Variants in PCDHGA2 observed in about 807,000 individuals in gnomAD.
PCDHGA2 encodes the protein protocadherin gamma subfamily A, 2.
PCDHGA2 carries 40 observed loss-of-function variants against 59.2 expected under a neutral mutation model. The observed-to-expected ratio is 0.68, with a 90% CI of 0.52 to 0.88. PCDHGA2 has a LOEUF of 0.88. PCDHGA2 is among the 40% of genes least tolerant of loss of function. PCDHGA2 has a pLI of 0.00. For synonymous variants in PCDHGA2, 560 were observed against 526.0 expected (o/e 1.06, Z -0.89); for missense variants, 1,226 against 1,204.0 (o/e 1.02, Z -0.27).
chr5:141,409,279 T>C, intron 1 of PCDHGA2: 1 of 1,613,972 alleles, frequency 6.2e-7, no homozygotes, highest in Non-Finnish European at 8.5e-7. Context: ...TTTTGGAGAA[T>C]TCACCTCCAG....
intron 1 of PCDHGA2, among the ~76,000 whole-genome samples, chr5:141,401,929 G>C (rs2094209014): frequency 6.6e-6 from 1 of 152,122 alleles, no homozygotes; most frequent in Non-Finnish European, 1.5e-5. Context: ...GTGATGCTTA[G>C]AATAATGTTT....
At position 141,340,850 on chromosome 5, in the gene PCDHGA2, C is replaced by A. The variant is rs566854220; in HGVS notation, c.1879C>A (p.Arg627Ser). 6.8e-6 allele frequency: 11 copies of A among 1,613,586 alleles called. No individual in the cohort carries two copies. The Admixed American group carries it at 1.2e-4, about 17-fold the overall frequency. ...GGTGGGTCTGCACACGGGCGAGGTG[C>A]GCACGGCGCGAGCCCTGCTGGACAG... ...FSVGLHTGEV[R>S]TARALLDRDA... Residue 627 changes from arginine to serine, a missense_variant, in exon 1 of 4, where the codon CGC (arginine) becomes AGC (serine). Arg to Ser is a moderately radical substitution (Grantham distance 110). Coordinates refer to ENST00000394576, the MANE Select transcript of PCDHGA2 (RefSeq NM_018915.4).
intron 1 of PCDHGA2, among the ~76,000 whole-genome samples, chr5:141,455,603 C>T (rs1433078116): frequency 3.3e-5 from 5 of 152,190 alleles, no homozygotes; most frequent in Admixed American, 2.6e-4. Context: ...CGTAGGGCGC[C>T]ATGGATGTTC....
In PCDHGA2 at chr5:141,339,923, G is replaced by A; in HGVS notation, c.952G>A (p.Asp318Asn). The A allele has an allele frequency of 6.2e-7, 1 of 1,614,134 alleles. No homozygotes were observed. Among genetic ancestry groups the A allele is most frequent in the South Asian group, 1.1e-5 (1 of 91,078 alleles). ...TGAGGATGCTACATTCCATGAAATTGATATTGAAGCTCAGGATGGTCCGGG... is the reference window on the plus strand; with the variant it reads ...TGAGGATGCTACATTCCATGAAATTAATATTGAAGCTCAGGATGGTCCGGG... The part of the protein sequence containing the change: ...DYEDATFHEI[D>N]IEAQDGPGLL... The change falls in exon 1 of 4, where the codon GAT becomes AAT. Residue 318 changes from aspartate to asparagine, a missense_variant. By Grantham distance (23) the Asp-to-Asn change is conservative. Coordinates refer to ENST00000394576, the MANE Select transcript of PCDHGA2 (RefSeq NM_018915.4).
At chr5:141,478,904 T>G in intron 1 of PCDHGA2, 1 of 958,800 alleles carries the variant, frequency 1.0e-6, no homozygotes, top group Non-Finnish European at 1.5e-6. Context: ...AGGAATAAGC[T>G]GCTGGATACC....
chr5:141,359,857 AAAAAG>A (rs1258075197), intron 1 of PCDHGA2, among the ~76,000 whole-genome samples: 2 of 152,330 alleles, frequency 1.3e-5, no homozygotes, highest in African/African-American at 4.8e-5. Context: ...TTATAAATTA[AAAAAG>A]AAAAGAAAAG....
chr5:141,433,408 A>T lies in PCDHGA2; in HGVS notation c.2425-61399A>T, dbSNP rs1052180455. On this transcript the variant is annotated intron_variant, in intron 1 of 3. Coordinates refer to ENST00000394576, the MANE Select transcript of PCDHGA2 (RefSeq NM_018915.4). Reference sequence around the variant, plus strand: ...CTATCTATCTATCTATCTATCTATTACTTTCTTGTACAGACAGGAGTCTCA... The same window carrying T: ...CTATCTATCTATCTATCTATCTATTTCTTTCTTGTACAGACAGGAGTCTCA... 4.2e-3 allele frequency among the ~76,000 whole-genome samples: 537 copies of T among 127,344 alleles called. 4 individuals carry two copies. The highest frequency in any genetic ancestry group is 0.015 in the African/African-American group (523 of 34,010). 83.5% of individuals were successfully genotyped at this position (127,344 alleles called of 152,430 possible). A position where few individuals can be genotyped will look rare whatever the true frequency, so the allele number is the denominator to read the frequency against.
intron 1 of PCDHGA2, among the ~76,000 whole-genome samples, chr5:141,450,223 G>A (rs1458841129): frequency 2.0e-5 from 3 of 151,818 alleles, no homozygotes; most frequent in Non-Finnish European, 4.4e-5. Context: ...TCACTATGTT[G>A]GCCAGGCTAG....
intron 1 of PCDHGA2, among the ~76,000 whole-genome samples, chr5:141,488,236 T>A (rs1333427955): frequency 6.6e-6 from 1 of 152,154 alleles, no homozygotes; most frequent in Admixed American, 6.5e-5. Context: ...TTGAACTAGA[T>A]GCGGTAAATT....
At position 141,339,971 on chromosome 5, in the gene PCDHGA2, ATCGT is replaced by A; in HGVS notation, c.1001_1004del (p.Ile334ThrfsTer6). On this transcript the variant is annotated frameshift_variant, in exon 1 of 4. Transcript: ENST00000394576. LOFTEE classifies it high-confidence loss of function. ...GGGCCTTCTAACCAGAGCGAAGGTT[ATCGT>A]CACGGTTCTGGATGTGAATGACAAT... is the stretch of plus-strand genomic sequence containing the variant. 6.2e-7 allele frequency: 1 copy of A among 1,614,200 alleles called. No individual in the cohort carries two copies. The highest frequency in any genetic ancestry group is 8.5e-7 in the Non-Finnish European group (1 of 1,180,014).
intron 1 of PCDHGA2, chr5:141,346,644 TG>T: frequency 1.2e-6 from 1 of 851,514 alleles, no homozygotes; most frequent in Non-Finnish European, 1.8e-6. Context: ...TATGGTTGAG[TG>T]GGCTTAGGGA....
At chr5:141,478,133 G>T (rs769287158) in intron 1 of PCDHGA2, 1 of 1,614,060 alleles carries the variant, frequency 6.2e-7, no homozygotes, top group Non-Finnish European at 8.5e-7. Flanking sequence ...CTCTCCTGAA[G>T]CCCGAGCCGA....
chr5:141,504,315 A>G (rs573050088), intron 2 of PCDHGA2, among the ~76,000 whole-genome samples: 1 of 152,248 alleles, frequency 6.6e-6, no homozygotes, highest in East Asian at 1.9e-4. Flanking sequence ...AGTTTCTAAA[A>G]GTCTCACTTA....
chr5:141,415,161 C>T (rs1391561235), intron 1 of PCDHGA2: 1 of 1,613,864 alleles, frequency 6.2e-7, no homozygotes, highest in Admixed American at 1.7e-5. Context: ...CCGCCACTGT[C>T]ACGCTCACCG....
rs1327610213 is a variant in PCDHGA2 at position 141,423,493 on chromosome 5, C to T, written c.2425-71314C>T. 5 of 1,613,984 alleles carry T rather than the reference C, an allele frequency of 3.1e-6. No homozygotes were observed. In the South Asian group the frequency reaches 5.5e-5, roughly 18 times the overall value. On this transcript the variant is annotated intron_variant, in intron 1 of 3. Coordinates refer to ENST00000394576, the MANE Select transcript of PCDHGA2 (RefSeq NM_018915.4). The stretch of plus-strand genomic sequence containing the variant: ...ACAGGCTTTCCTGCAAACCTATTCC[C>T]ACGAGGTCTCTCTCATTGCGGACTC...
intron 3 of PCDHGA2, 154 bp from the exon 4 acceptor site, chr5:141,510,793 G>A: frequency 1.1e-6 from 1 of 935,078 alleles, no homozygotes; most frequent in Non-Finnish European, 1.3e-6. Context: ...CTCTTGTGAA[G>A]AGAGACTACC....
At chr5:141,373,945 C>A in intron 1 of PCDHGA2, 1 of 765,672 alleles carries the variant, frequency 1.3e-6, no homozygotes, top group Non-Finnish European at 1.9e-6. Flanking sequence ...GAAAGCTGTG[C>A]AGAAATTCTG....
At chr5:141,364,886 A>G (rs1181797677) in intron 1 of PCDHGA2, 2 of 1,614,024 alleles carry the variant, frequency 1.2e-6, no homozygotes. Context: ...GGTAAGCGGA[A>G]CTGATGGACA....
intron 1 of PCDHGA2, among the ~76,000 whole-genome samples, chr5:141,401,393 A>G (rs2094149748): frequency 6.6e-6 from 1 of 152,202 alleles, no homozygotes. Context: ...ACTACATGTT[A>G]TGTGTATGAG....
Sources: allele counts gnomAD v4.1 joint callset (sites outside exome capture counted in the v4.1 genomes callset), GRCh38; gene constraint gnomAD v4.1.1; transcripts MANE v1.5; gene names NCBI Gene and HGNC (gene_info 2026-07-23, HGNC 2026-07-21).